The following CACNA1A variants were observed in gnomAD, a reference collection of about 807,000 sequenced individuals.
CACNA1A encodes calcium voltage-gated channel subunit alpha1 A.
A neutral mutation model predicts 262.4 loss-of-function variants in CACNA1A; 57 were observed. The ratio of observed to expected loss-of-function variants is 0.22; its 90% CI spans 0.18 to 0.27. CACNA1A has a LOEUF of 0.27. CACNA1A is among the 10% of genes least tolerant of loss of function. CACNA1A has a pLI of 1.00. For missense variants in CACNA1A, 2,526 were observed against 3,562.8 expected (o/e 0.71, Z 7.41); for synonymous variants, 1,431 against 1,419.3 (o/e 1.01, Z -0.18).
At chr19:13,232,782 C>T (rs2055716503) in intron 34 of CACNA1A, among the ~76,000 whole-genome samples, 1 of 149,414 alleles carries the variant, frequency 6.7e-6, no homozygotes, top group African/African-American at 2.5e-5. Context: ...GGTGCAGTGG[C>T]TCATGCCTGT....
chr19:13,487,388 A>C (rs1327586072), intron 1 of CACNA1A, among the ~76,000 whole-genome samples: 1 of 152,154 alleles, frequency 6.6e-6, no homozygotes, highest in Non-Finnish European at 1.5e-5. Context: ...TCTCACCTGG[A>C]TGGCGAGAGG....
At chr19:13,303,453 C>A (rs1347800572) in intron 17 of CACNA1A, 93 bp downstream of exon 17, 1 of 141,520 alleles carries the variant, frequency 7.1e-6, no homozygotes, top group Non-Finnish European at 1.5e-5. Context: ...CCCATGCCCC[C>A]ACCCCCACCC....
chr19:13,380,520 A>G (rs2059501125), intron 3 of CACNA1A, among the ~76,000 whole-genome samples: 1 of 149,892 alleles, frequency 6.7e-6, no homozygotes, highest in Non-Finnish European at 1.5e-5. Context: ...GGCGGTGGGC[A>G]TCTGTAATCC....
At chr19:13,368,553 C>T (rs1220180647) in intron 4 of CACNA1A, among the ~76,000 whole-genome samples, 5 of 152,120 alleles carry the variant, frequency 3.3e-5, no homozygotes, top group East Asian at 1.9e-4. Flanking sequence ...TGACAACATC[C>T]TATGTTTGTA....
rs2055886087 is a variant in CACNA1A, at chr19:13,236,595, G to A, written c.4951-865C>T. On this transcript the variant is annotated intron_variant, in intron 31 of 46. Coordinates refer to ENST00000360228, the MANE Select transcript of CACNA1A (RefSeq NM_001127222.2). The surrounding 1 kb of genome is among the most constrained non-coding windows in gnomAD (Gnocchi z 4.6). ...GGATGGCTTCTCAGCTTCTGGGGCTGGGTGGAGTAGCACGGGACCAGGCCT... is the reference window on the plus strand; with the variant it reads ...GGATGGCTTCTCAGCTTCTGGGGCTAGGTGGAGTAGCACGGGACCAGGCCT... 6.5e-6 allele frequency: 1 copy of A among 152,856 alleles called. No individual in the cohort carries two copies. The highest frequency in any genetic ancestry group is 2.1e-4 in the South Asian group (1 of 4,838). The allele number at this position is 152,856 out of a possible 1,614,324, so 9.5% of individuals were successfully genotyped here.
At chr19:13,312,371 G>A (rs2058051705) in intron 12 of CACNA1A, among the ~76,000 whole-genome samples, 1 of 152,140 alleles carries the variant, frequency 6.6e-6, no homozygotes, top group African/African-American at 2.4e-5. Flanking sequence ...CTTAGTTGGA[G>A]CGACACAGGC....
intron 5 of CACNA1A, chr19:13,363,539 C>G (rs1273503584): frequency 6.6e-6 from 1 of 151,766 alleles, no homozygotes; most frequent in Admixed American, 6.6e-5. Flanking sequence ...ACCCAAACCT[C>G]CAACCATTGC....
chr19:13,299,006 C>T lies in CACNA1A; in HGVS notation c.2627G>A (p.Gly876Asp), dbSNP rs1228451050. Residue 876 changes from glycine (G) to aspartate (D), a missense_variant, in exon 19 of 47, where the codon GGC becomes GAC. Physicochemically the swap from Gly to Asp is moderately conservative, Grantham distance 94. Coordinates refer to ENST00000360228, the MANE Select transcript of CACNA1A (RefSeq NM_001127222.2). ...DRARDPSGSA[G>D]LDARRPWAGS... ...CGCCCAGGGCCTCCGTGCGTCCAGG[C>T]CCGCCGAGCCGCTGGGGTCCCGGGC... The T allele has an allele frequency of 1.9e-6, 3 of 1,581,542 alleles. No homozygotes were observed. Among genetic ancestry groups the T allele is most frequent in the African/African-American group, 2.7e-5 (2 of 74,490 alleles).
chr19:13,262,724 C>T lies in CACNA1A; in HGVS notation c.4089+10G>A. On this transcript the variant is annotated intron_variant, in intron 25 of 46. Coordinates refer to ENST00000360228, the MANE Select transcript of CACNA1A (RefSeq NM_001127222.2). ...CCCCCCCACCGCACCCCACCATCTC[C>T]CAATCTCACCTTGAGCTTTGGCAGC... 1.9e-6 allele frequency: 3 copies of T among 1,587,192 alleles called. No individual in the cohort carries two copies. The highest frequency in any genetic ancestry group is 2.6e-6 in the Non-Finnish European group (3 of 1,157,426).
At chr19:13,227,295 TCAAAAA>T in intron 37 of CACNA1A, 130 bp downstream of exon 37, 2 of 448,594 alleles carry the variant, frequency 4.5e-6, no homozygotes, top group Non-Finnish European at 8.2e-6. Context: ...AAAAAAAGAA[TCAAAAA>T]CAAAAAAGAA....
At chr19:13,330,188 T>G in intron 10 of CACNA1A, 56 bp downstream of exon 10, 3 of 1,302,950 alleles carry the variant, frequency 2.3e-6, no homozygotes, top group Non-Finnish European at 3.2e-6. Context: ...CACCCCACCA[T>G]GTCTCTTGGG....
In CACNA1A at chr19:13,312,945, C is replaced by T. The variant is rs79071114; in HGVS notation, c.1556-164G>A. On this transcript the variant is annotated intron_variant, in intron 11 of 46. Transcript: ENST00000360228. ...CTGGTTTCAAACTCCTGGCCTCAAA[C>T]AGTTTCCCTGATTTGGCCTCCAACA... Among the ~76,000 whole-genome samples the T allele has an allele frequency of 0.055, 8,324 of 152,102 alleles. 262 individuals carry two copies. The highest frequency in any genetic ancestry group is 0.12 in the South Asian group (596 of 4,818).
intron 3 of CACNA1A, among the ~76,000 whole-genome samples, chr19:13,435,229 T>C (rs1436115795): frequency 6.6e-6 from 1 of 151,884 alleles, no homozygotes; most frequent in East Asian, 1.9e-4. Flanking sequence ...TTCTCCTGCC[T>C]CAGCCTCCTG....
intron 30 of CACNA1A, chr19:13,245,643 A>T: frequency 1.1e-5 from 2 of 186,424 alleles, no homozygotes; most frequent in Admixed American, 6.1e-5. Context: ...GGGAAGGGTT[A>T]TCACCCATTT....
Position 13,412,828 on chromosome 19 carries a change from C to G in CACNA1A, c.539+40048G>C, listed in dbSNP as rs75029487. 3.7e-3 allele frequency among the ~76,000 whole-genome samples: 568 copies of G among 152,186 alleles called. 5 individuals carry two copies. The highest frequency in any genetic ancestry group is 0.013 in the African/African-American group (522 of 41,518). ...TCTAAAATAAATATTTAAAAAATAA[C>G]ATTTGTTTGGTAGAAAGGGTCCACT... On this transcript the variant is annotated intron_variant, in intron 3 of 46. Transcript: ENST00000360228.
At chr19:13,464,844 G>T (rs960117836) in intron 1 of CACNA1A, among the ~76,000 whole-genome samples, 1 of 151,330 alleles carries the variant, frequency 6.6e-6, no homozygotes, top group African/African-American at 2.4e-5. Context: ...CACTGCGCCC[G>T]GCCAACTTTT....
intron 6 of CACNA1A, among the ~76,000 whole-genome samples, chr19:13,354,863 CTTTT>C (rs2058977897): frequency 9.8e-6 from 1 of 102,422 alleles, no homozygotes; most frequent in Non-Finnish European, 2.0e-5. Flanking sequence ...GGATGCTTTT[CTTTT>C]TCTTTTTTTT....
chr19:13,491,310 T>C (rs990100388), intron 1 of CACNA1A, among the ~76,000 whole-genome samples: 33 of 152,160 alleles, frequency 2.2e-4, no homozygotes, highest in African/African-American at 7.2e-5. Flanking sequence ...CTCTGGGGGC[T>C]GGGATGAAGT....
chr19:13,346,616 T>A (rs577300104), intron 6 of CACNA1A, among the ~76,000 whole-genome samples: 4 of 50,384 alleles, frequency 7.9e-5, no homozygotes, highest in Non-Finnish European at 1.3e-4. Context: ...TTTTAATTGA[T>A]TATATATATA....
Sources: allele counts gnomAD v4.1 joint callset (sites outside exome capture counted in the v4.1 genomes callset), GRCh38; gene constraint gnomAD v4.1.1; non-coding constraint Gnocchi (gnomAD v3.1); transcripts MANE v1.5; gene names NCBI Gene and HGNC (gene_info 2026-07-23, HGNC 2026-07-21).